The following ATP9B variants were observed in gnomAD, a reference collection of about 807,000 sequenced individuals.
The protein encoded by ATP9B is probable phospholipid-transporting ATPase IIB.
A neutral mutation model predicts 146.1 loss-of-function variants in ATP9B; 110 were observed. The observed-to-expected ratio is 0.75, with a 90% confidence interval of 0.65 to 0.88. The LOEUF is 0.88. ATP9B is among the 40% of genes least tolerant of loss of function. The probability of loss-of-function intolerance (pLI) is 0.00; values close to 1 mark genes in which losing one functional copy is unlikely to be tolerated. For synonymous variants in ATP9B, 604 were observed against 569.7 expected (o/e 1.06, Z -0.86); for missense variants, 1,499 against 1,496.4 (o/e 1.00, Z -0.03).
chr18:79,076,692 T>A (rs1229327425), intron 1 of ATP9B, among the ~76,000 whole-genome samples: 1 of 152,192 alleles, frequency 6.6e-6, no homozygotes, highest in Non-Finnish European at 1.5e-5. Context: ...TAAGTTTGTG[T>A]CTTTTGTCAA....
chr18:79,375,068 A>C (rs1474714415), intron 28 of ATP9B, among the ~76,000 whole-genome samples: 1 of 152,238 alleles, frequency 6.6e-6, no homozygotes, highest in Admixed American at 6.5e-5. Context: ...CTCCTTTCAC[A>C]CCTGCAGAAC....
chr18:79,087,358 C>G (rs982460752), intron 1 of ATP9B: 3 of 152,250 alleles, frequency 2.0e-5, no homozygotes, highest in Admixed American at 2.0e-4. Context: ...CACCATTTGT[C>G]TCCTTTGCTG....
chr18:79,219,020 G>A (rs545104107), intron 11 of ATP9B, among the ~76,000 whole-genome samples: 3 of 152,340 alleles, frequency 2.0e-5, no homozygotes, highest in Admixed American at 6.5e-5. Flanking sequence ...AGGAGAGGAA[G>A]AGAAACCAGG....
chr18:79,327,454 CCATGGTTAGCGTGTTCTCCG>C (rs2096754661), intron 15 of ATP9B, among the ~76,000 whole-genome samples: 1 of 151,804 alleles, frequency 6.6e-6, no homozygotes, highest in East Asian at 1.9e-4. Context: ...AGTGTGCTCC[CCATGGTTAGCGTGTTCTCCG>C]TGGTTAGCGT....
chr18:79,206,032 C>G (rs1187936517), intron 9 of ATP9B, among the ~76,000 whole-genome samples: 1 of 151,910 alleles, frequency 6.6e-6, no homozygotes, highest in Non-Finnish European at 1.5e-5. Context: ...GCTCTGCCTC[C>G]CGGGTTCACG....
At chr18:79,248,961 G>A (rs956177699) in intron 11 of ATP9B, among the ~76,000 whole-genome samples, 5 of 152,068 alleles carry the variant, frequency 3.3e-5, no homozygotes, top group East Asian at 1.9e-4. Context: ...CCAATTTGCC[G>A]TGTACATTGA....
At chr18:79,278,821 GA>G (rs1275345040) in intron 13 of ATP9B, among the ~76,000 whole-genome samples, 4 of 152,154 alleles carry the variant, frequency 2.6e-5, no homozygotes, top group African/African-American at 9.6e-5. Flanking sequence ...CCAACCTCAT[GA>G]AGCCTACAGA....
At chr18:79,231,888 C>T (rs1443151794) in intron 11 of ATP9B, among the ~76,000 whole-genome samples, 1 of 150,992 alleles carries the variant, frequency 6.6e-6, no homozygotes, top group African/African-American at 2.4e-5. Context: ...AATTGGAGAC[C>T]ATTATTCTAA....
chr18:79,191,946 C>T (rs1600317161), intron 8 of ATP9B, among the ~76,000 whole-genome samples: 1 of 152,220 alleles, frequency 6.6e-6, no homozygotes, highest in African/African-American at 2.4e-5. Flanking sequence ...CTGAAGAGTA[C>T]TGGTTTTTTG....
At chr18:79,319,632 C>T (rs1051411077) in intron 15 of ATP9B, among the ~76,000 whole-genome samples, 3 of 152,210 alleles carry the variant, frequency 2.0e-5, no homozygotes, top group Non-Finnish European at 2.9e-5. Flanking sequence ...CTCAGTGTCT[C>T]TCCCACGTTG....
At chr18:79,114,228 G>A (rs2094024053) in intron 4 of ATP9B, among the ~76,000 whole-genome samples, 1 of 152,154 alleles carries the variant, frequency 6.6e-6, no homozygotes, top group African/African-American at 2.4e-5. Flanking sequence ...CCAAAGTGCT[G>A]GGATTACAGG....
At chr18:79,342,637 A>G (rs983950715) in intron 20 of ATP9B, among the ~76,000 whole-genome samples, 2 of 152,002 alleles carry the variant, frequency 1.3e-5, no homozygotes, top group African/African-American at 2.4e-5. Context: ...GTTAAAATAG[A>G]TATTTTTAGC....
At chr18:79,211,255 G>T (rs1271231716) in intron 10 of ATP9B, among the ~76,000 whole-genome samples, 1 of 152,184 alleles carries the variant, frequency 6.6e-6, no homozygotes, top group Non-Finnish European at 1.5e-5. Context: ...TTGCAACATG[G>T]AAGTTGTTTG....
In ATP9B at chr18:79,179,492, TAAA is replaced by T. The variant is rs1286339661; in HGVS notation, c.873+2589_873+2591del. On this transcript the variant is annotated intron_variant, in intron 8 of 29. Coordinates refer to ENST00000426216, the MANE Select transcript of ATP9B (RefSeq NM_198531.5). ...AGTTAAAAATAATTAATAATTTAGT[TAAA>T]AAATCATTTTCATTTAGTTAAAAAT... is the stretch of plus-strand genomic sequence containing the variant. Among the ~76,000 whole-genome samples the T allele has an allele frequency of 7.2e-5, 11 of 152,286 alleles. No individual in the cohort carries two copies. The South Asian group carries it at 1.7e-3, about 23-fold the overall frequency.
chr18:79,377,371 G>A lies in ATP9B; in HGVS notation c.3432G>A (p.Lys1144=), dbSNP rs765989028. 2.5e-6 allele frequency: 4 copies of A among 1,608,672 alleles called. No homozygotes were observed. Among genetic ancestry groups the A allele is most frequent in the Non-Finnish European group, 3.4e-6 (4 of 1,180,004 alleles). The part of the protein sequence containing the change: ...RRKLSPPSYC[K]LAS ...AGCTCTCTCCTCCCAGCTACTGCAA[G>A]CTGGCCTCCTAAGGGGCTGTGCACC... The change falls in exon 30 of 30, where the codon AAG becomes AAA. Residue 1144 remains lysine (K), a synonymous_variant. Transcript: ENST00000426216.
chr18:79,209,576 C>G, intron 10 of ATP9B: 1 of 851,832 alleles, frequency 1.2e-6, no homozygotes, highest in Non-Finnish European at 1.4e-6. Flanking sequence ...CAAGTGGGCC[C>G]GACTAGTTGG....
At chr18:79,313,521 C>T (rs1035527287) in intron 15 of ATP9B, among the ~76,000 whole-genome samples, 1 of 152,158 alleles carries the variant, frequency 6.6e-6, no homozygotes, top group East Asian at 1.9e-4. Flanking sequence ...GAAACCTAGA[C>T]TAGAGATTTT....
chr18:79,213,440 C>T (rs969783449), intron 10 of ATP9B, among the ~76,000 whole-genome samples: 5 of 151,964 alleles, frequency 3.3e-5, no homozygotes, highest in Admixed American at 6.5e-5. Flanking sequence ...AGTCAAATAC[C>T]GTTTTTTATA....
In ATP9B at chr18:79,069,455, G is replaced by C. The variant is rs959844221; in HGVS notation, c.45G>C (p.Ala15=). 5 of 1,513,036 alleles carry C rather than the reference G, an allele frequency of 3.3e-6. No individual in the cohort carries two copies. The highest frequency in any genetic ancestry group is 4.4e-6 in the Non-Finnish European group (5 of 1,133,920). The allele number at this position is 1,513,036 out of a possible 1,614,324, so 93.7% of individuals were successfully genotyped here. ...IPLYPVRSAA[A]AAANRKRAAY... ...TTTACCCGGTGCGTAGCGCAGCGGCGGCCGCAGCCAACCGCAAACGCGCGG... is the reference window on the plus strand; with the variant it reads ...TTTACCCGGTGCGTAGCGCAGCGGCCGCCGCAGCCAACCGCAAACGCGCGG... The change falls in exon 1 of 30, where the codon GCG becomes GCC. Residue 15 remains alanine (A), a synonymous_variant. Transcript: ENST00000426216.
Sources: allele counts gnomAD v4.1 joint callset (sites outside exome capture counted in the v4.1 genomes callset), GRCh38; gene constraint gnomAD v4.1.1; transcripts MANE v1.5; gene names NCBI Gene and HGNC (gene_info 2026-07-23, HGNC 2026-07-21).